STK3: variants seen among roughly 807,000 people sequenced by gnomAD.
STK3 encodes the protein serine/threonine kinase 3.
STK3 carries 41 observed loss-of-function variants against 58.0 expected under a neutral mutation model. The ratio of observed to expected loss-of-function variants is 0.71; its 90% CI spans 0.55 to 0.92. The LOEUF (loss-of-function observed/expected upper bound fraction) is 0.92. Among genes scored for constraint, STK3 ranks in the 40% least tolerant of loss-of-function variants. STK3 has a pLI of 0.00. For synonymous variants in STK3, 170 were observed against 191.0 expected (o/e 0.89, Z 0.91); for missense variants, 479 against 602.7 (o/e 0.79, Z 2.15).
chr8:98,536,730 T>G (rs1809796019), intron 9 of STK3, among the ~76,000 whole-genome samples: 1 of 152,208 alleles, frequency 6.6e-6, no homozygotes, highest in Admixed American at 6.5e-5. Context: ...TTAATCTTAT[T>G]TTGTTTAAAT....
At chr8:98,897,114 G>GA (rs1267292112) in intron 1 of STK3, among the ~76,000 whole-genome samples, 1 of 152,150 alleles carries the variant, frequency 6.6e-6, no homozygotes, top group African/African-American at 2.4e-5. Flanking sequence ...AAACAACATG[G>GA]AACACACACT....
intron 3 of STK3, among the ~76,000 whole-genome samples, chr8:98,417,455 A>G (rs1818127761): frequency 6.6e-6 from 1 of 152,188 alleles, no homozygotes; most frequent in Non-Finnish European, 1.5e-5. Flanking sequence ...CGGAGGTTGC[A>G]GTGAGCCAAG....
At chr8:98,536,882 T>C (rs117375386) in intron 9 of STK3, among the ~76,000 whole-genome samples, 149 of 152,340 alleles carry the variant, frequency 9.8e-4, no homozygotes, top group Middle Eastern at 3.4e-3. Flanking sequence ...AATTTCAAAC[T>C]TGAAGTCCAC....
chr8:98,625,867 T>A (rs942155641), intron 6 of STK3, among the ~76,000 whole-genome samples: 1 of 152,196 alleles, frequency 6.6e-6, no homozygotes, highest in African/African-American at 2.4e-5. Context: ...TTAAGGGTAC[T>A]TTTTAGGTGT....
chr8:98,823,287 G>C (rs1172480407), intron 1 of STK3, among the ~76,000 whole-genome samples: 3 of 152,096 alleles, frequency 2.0e-5, no homozygotes, highest in Admixed American at 1.3e-4. Context: ...ACATCGATAA[G>C]GCCATGTAAA....
intron 6 of STK3, among the ~76,000 whole-genome samples, chr8:98,619,620 A>G: frequency 4.8e-5 from 5 of 103,730 alleles, no homozygotes; most frequent in African/African-American, 2.0e-4. Context: ...AATTTACAAG[A>G]AAAAAACAAA....
chr8:98,653,656 G>A (rs898500561), intron 6 of STK3, among the ~76,000 whole-genome samples: 2 of 151,772 alleles, frequency 1.3e-5, no homozygotes, highest in African/African-American at 2.4e-5. Context: ...GGGATATCAC[G>A]ACCGATCCCA....
At chr8:98,731,309 T>C (rs536900334) in intron 4 of STK3, among the ~76,000 whole-genome samples, 4 of 151,970 alleles carry the variant, frequency 2.6e-5, no homozygotes, top group East Asian at 1.9e-4. Flanking sequence ...AAGAAGAAAA[T>C]GGAACAAGAG....
chr8:98,355,563 GAGA>G, the STK3 span, among the ~76,000 whole-genome samples: 2 of 152,228 alleles, frequency 1.3e-5, no homozygotes, highest in African/African-American at 2.4e-5. Context: ...GTAGCACTCA[GAGA>G]AGAAGTGCAG....
intron 6 of STK3, among the ~76,000 whole-genome samples, chr8:98,610,796 G>A (rs138765924): frequency 3.9e-5 from 6 of 152,284 alleles, no homozygotes; most frequent in Non-Finnish European, 7.4e-5. Flanking sequence ...TCCAGTTACC[G>A]GGCCTAGTGC....
At chr8:98,468,200 TC>T (rs1233314649) in intron 10 of STK3, among the ~76,000 whole-genome samples, 1 of 152,224 alleles carries the variant, frequency 6.6e-6, no homozygotes, top group Non-Finnish European at 1.5e-5. Flanking sequence ...CCAAAATGTT[TC>T]TAAAACACTT....
chr8:98,675,925 G>A lies in STK3; in HGVS notation c.684+30542C>T, dbSNP rs140146416. On this transcript the variant is annotated intron_variant, in intron 6 of 10. Coordinates refer to ENST00000419617, the MANE Select transcript of STK3 (RefSeq NM_006281.4). ...ATTTGTGTGTCCACATTCATAGCAC[G>A]ATTCACAAGAGCCAAAAGGTGGAAA... 6.8e-3 allele frequency among the ~76,000 whole-genome samples: 1,032 copies of A among 152,086 alleles called. 8 individuals carry two copies. Among genetic ancestry groups the A allele is most frequent in the African/African-American group, 0.023 (968 of 41,510 alleles).
intron 6 of STK3, among the ~76,000 whole-genome samples, chr8:98,657,610 T>C (rs1338985419): frequency 6.6e-6 from 1 of 152,060 alleles, no homozygotes; most frequent in Non-Finnish European, 1.5e-5. Flanking sequence ...TTAAAATATG[T>C]GGCTGAAACA....
rs561776006 is a variant in STK3, at chr8:98,455,150, A to G, written c.*692T>C. The G allele has an allele frequency of 1.3e-5, 2 of 152,710 alleles. No homozygotes were observed. The highest frequency in any genetic ancestry group is 2.9e-5 in the Non-Finnish European group (2 of 68,016). 9.5% of individuals were successfully genotyped at this position (152,710 alleles called of 1,614,324 possible). A position where few individuals can be genotyped will look rare whatever the true frequency, so the allele number is the denominator to read the frequency against. Reference sequence around the variant, plus strand: ...ATAGATCTATTTTACCTAAATATATATAGTTCTATTTGTACCAAACATCAA... The same window carrying G: ...ATAGATCTATTTTACCTAAATATATGTAGTTCTATTTGTACCAAACATCAA... On this transcript the variant is annotated 3_prime_UTR_variant, in exon 11 of 11. Transcript: ENST00000419617.
chr8:98,773,779 T>TTTTA (rs56774049), intron 2 of STK3, among the ~76,000 whole-genome samples: 9,722 of 151,030 alleles, frequency 0.064, 466 homozygotes, highest in African/African-American at 0.13. Flanking sequence ...TATTTTTATT[T>TTTTA]TTTATTTATT....
rs536562622 is a variant in STK3 at position 98,901,110 on chromosome 8, A to T, written c.-78-17276T>A. ...TCTGGAATATTTTTTTCTCCTTTGGATGAGTTTGGGCCCTGTGTGAGAGAA... is the reference window on the plus strand; with the variant it reads ...TCTGGAATATTTTTTTCTCCTTTGGTTGAGTTTGGGCCCTGTGTGAGAGAA... On this transcript the variant is annotated intron_variant, in intron 1 of 1. Coordinates refer to the STK3 transcript ENST00000519420. 8.5e-5 allele frequency among the ~76,000 whole-genome samples: 13 copies of T among 152,130 alleles called. No homozygotes were observed. The South Asian group carries it at 2.7e-3, about 32-fold the overall frequency.
intron 4 of STK3, among the ~76,000 whole-genome samples, chr8:98,708,992 C>T (rs1205276139): frequency 6.6e-6 from 1 of 151,574 alleles, no homozygotes; most frequent in Admixed American, 6.6e-5. Flanking sequence ...GAAATTTCTG[C>T]CTGACCCCTG....
At chr8:98,411,012 A>C (rs1257228368) in intron 3 of STK3, among the ~76,000 whole-genome samples, 1 of 152,224 alleles carries the variant, frequency 6.6e-6, no homozygotes, top group Non-Finnish European at 1.5e-5. Flanking sequence ...ACCACCCCCC[A>C]GAAAGTCTGA....
chr8:98,901,662 C>G (rs1333495874), intron 1 of STK3, among the ~76,000 whole-genome samples: 1 of 152,236 alleles, frequency 6.6e-6, no homozygotes, highest in Non-Finnish European at 1.5e-5. Context: ...CACCTGCTCC[C>G]TCAGGCAGCC....
Sources: allele counts gnomAD v4.1 joint callset (sites outside exome capture counted in the v4.1 genomes callset), GRCh38; gene constraint gnomAD v4.1.1; transcripts MANE v1.5; gene names NCBI Gene and HGNC (gene_info 2026-07-23, HGNC 2026-07-21).